The following ATP10A variants were observed in gnomAD, a reference collection of about 807,000 sequenced individuals.
ATP10A encodes the protein ATPase phospholipid transporting 10A (putative), also known as phospholipid-transporting ATPase VA.
In ATP10A, 111 loss-of-function variants were observed where a neutral mutation model predicts 147.8. That is an observed-to-expected ratio of 0.75 (90% CI 0.64 to 0.88). ATP10A has a LOEUF of 0.88. Among genes scored for constraint, ATP10A ranks in the 40% least tolerant of loss-of-function variants. ATP10A has a pLI of 0.00. For synonymous variants in ATP10A, 875 were observed against 841.6 expected, an observed-to-expected ratio of 1.04 and a Z score of -0.69; for missense variants, 1,927 against 1,959.0, an observed-to-expected ratio of 0.98 and a Z score of 0.31.
chr15:25,760,007 G>A (rs778238897), intron 2 of ATP10A, among the ~76,000 whole-genome samples: 3 of 150,518 alleles, frequency 2.0e-5, no homozygotes, highest in Non-Finnish European at 2.9e-5. Flanking sequence ...TCACTCCGTC[G>A]CCAGGCTGGA....
chr15:25,801,999 C>G (rs1490493751), intron 1 of ATP10A, among the ~76,000 whole-genome samples: 4 of 152,194 alleles, frequency 2.6e-5, no homozygotes, highest in African/African-American at 7.2e-5. Context: ...AACACGAGAT[C>G]TGCAGGACAA....
chr15:25,759,389 A>G (rs1888631364), intron 2 of ATP10A, among the ~76,000 whole-genome samples: 3 of 152,222 alleles, frequency 2.0e-5, no homozygotes. Flanking sequence ...CAGATTGACT[A>G]AAATTAGAAA....
chr15:25,860,692 T>G (rs1893719796), intron 1 of ATP10A, among the ~76,000 whole-genome samples: 2 of 151,962 alleles, frequency 1.3e-5, no homozygotes, highest in African/African-American at 4.8e-5. Flanking sequence ...ATGGGTGTAG[T>G]CCAAATGGAA....
chr15:25,827,324 AAGAAATAAAG>A (rs1403027055), intron 1 of ATP10A, among the ~76,000 whole-genome samples: 1 of 152,232 alleles, frequency 6.6e-6, no homozygotes, highest in Non-Finnish European at 1.5e-5. Flanking sequence ...AATAGATCAG[AAGAAATAAAG>A]AGCACCAGTA....
At chr15:25,696,565 G>C (rs546397784) in intron 13 of ATP10A, among the ~76,000 whole-genome samples, 16 of 152,356 alleles carry the variant, frequency 1.1e-4, no homozygotes, top group African/African-American at 3.8e-4. Context: ...AGAGCTCTGA[G>C]AGGGAGTAGC....
intron 1 of ATP10A, among the ~76,000 whole-genome samples, chr15:25,827,512 G>A (rs112386576): frequency 6.6e-6 from 1 of 152,214 alleles, no homozygotes; most frequent in African/African-American, 2.4e-5. Flanking sequence ...ACAGTGGAGG[G>A]AGGATGGTGG....
intron 4 of ATP10A, 65 bp downstream of exon 4, chr15:25,727,095 T>C: frequency 8.7e-7 from 1 of 1,148,814 alleles, no homozygotes; most frequent in Non-Finnish European, 1.3e-6. Context: ...AAGAAAACAG[T>C]GAGGGGAAGT....
At chr15:25,778,474 T>C (rs1469986515) in intron 2 of ATP10A, among the ~76,000 whole-genome samples, 2 of 149,094 alleles carry the variant, frequency 1.3e-5, no homozygotes, top group East Asian at 3.9e-4. Context: ...CAAAAAAATG[T>C]CTTTGGACCT....
intron 2 of ATP10A, among the ~76,000 whole-genome samples, chr15:25,774,559 A>G (rs1188053562): frequency 1.4e-5 from 2 of 147,354 alleles, no homozygotes; most frequent in African/African-American, 5.1e-5. Context: ...CTGGGCAACA[A>G]GAGCAAAACT....
chr15:25,859,972 G>A (rs994594181), intron 1 of ATP10A, among the ~76,000 whole-genome samples: 1 of 152,150 alleles, frequency 6.6e-6, no homozygotes, highest in Admixed American at 6.5e-5. Context: ...AGCAGCTAGA[G>A]CAGCAACACT....
intron 2 of ATP10A, among the ~76,000 whole-genome samples, chr15:25,765,687 A>G (rs1456928162): frequency 1.3e-5 from 2 of 152,150 alleles, no homozygotes; most frequent in Non-Finnish European, 2.9e-5. Context: ...CAAACTCTCC[A>G]GCCTCACCTT....
intron 2 of ATP10A, 104 bp from the exon 3 acceptor site, chr15:25,736,245 G>C (rs1055376031): frequency 8.2e-6 from 7 of 852,852 alleles, no homozygotes; most frequent in South Asian, 4.3e-5. Context: ...CACATTTCAC[G>C]GGGGAAGAAC....
intron 2 of ATP10A, among the ~76,000 whole-genome samples, chr15:25,764,240 A>G (rs1316987198): frequency 1.3e-5 from 2 of 152,178 alleles, no homozygotes; most frequent in Non-Finnish European, 2.9e-5. Flanking sequence ...CTGGGCAAAG[A>G]GCTTTCCAAC....
intron 1 of ATP10A, among the ~76,000 whole-genome samples, chr15:25,858,980 A>G (rs1323458889): frequency 6.6e-6 from 1 of 152,118 alleles, no homozygotes; most frequent in East Asian, 1.9e-4. Context: ...CACCCTTGCA[A>G]GGCACACTCC....
At chr15:25,846,505 A>G (rs1476117228) in intron 1 of ATP10A, among the ~76,000 whole-genome samples, 1 of 152,080 alleles carries the variant, frequency 6.6e-6, no homozygotes, top group African/African-American at 2.4e-5. Flanking sequence ...TCATGCCTCA[A>G]CCTTCAGAAC....
At position 25,839,598 on chromosome 15, in the gene ATP10A, C is replaced by T. The variant is rs368079243; in HGVS notation, c.449+23050G>A. Among the ~76,000 whole-genome samples the T allele has an allele frequency of 1.5e-4, 23 of 152,338 alleles. No homozygotes were observed. In the East Asian group the frequency reaches 3.7e-3, roughly 24 times the overall value. On this transcript the variant is annotated intron_variant, in intron 1 of 20. Transcript: ENST00000555815. ...AGCATGCTGGGTCCTGAAAACCTCACATTCCCACCACTGGGCACTCCGTTG... is the reference window on the plus strand; with the variant it reads ...AGCATGCTGGGTCCTGAAAACCTCATATTCCCACCACTGGGCACTCCGTTG...
chr15:25,763,204 G>A (rs1380163549), intron 2 of ATP10A, among the ~76,000 whole-genome samples: 6 of 152,168 alleles, frequency 3.9e-5, no homozygotes, highest in Non-Finnish European at 5.9e-5. Context: ...AAATTAACCT[G>A]CTGAGAATAA....
At chr15:25,774,717 C>A (rs1889522983) in intron 2 of ATP10A, among the ~76,000 whole-genome samples, 1 of 151,898 alleles carries the variant, frequency 6.6e-6, no homozygotes, top group Admixed American at 6.6e-5. Context: ...TCGGGCCAAA[C>A]TTATATTGCC....
intron 1 of ATP10A, among the ~76,000 whole-genome samples, chr15:25,857,425 C>T (rs1893564610): frequency 6.6e-6 from 1 of 152,130 alleles, no homozygotes; most frequent in Non-Finnish European, 1.5e-5. Flanking sequence ...CCAGCCTAGG[C>T]AACAGGGCAA....
Sources: gnomAD v4.1 joint callset for allele counts (sites outside exome capture counted in the v4.1 genomes callset) on GRCh38, gnomAD v4.1.1 for gene constraint, MANE v1.5 for transcripts, NCBI Gene and HGNC (gene_info 2026-07-23, HGNC 2026-07-21) for gene names.